The following CCDC85C variants were observed in gnomAD, a reference collection of about 807,000 sequenced individuals.
The protein encoded by CCDC85C is coiled-coil domain containing 85C.
CCDC85C carries 18 observed loss-of-function variants against 38.3 expected under a neutral mutation model. The observed-to-expected ratio is 0.47, with a 90% CI of 0.33 to 0.70. CCDC85C has a LOEUF of 0.70. Ranked by LOEUF, CCDC85C falls within the 30% of genes least tolerant of loss-of-function variation. The probability of loss-of-function intolerance (pLI) is 0.03; values close to 1 mark genes in which losing one functional copy is unlikely to be tolerated. For synonymous variants in CCDC85C, 264 were observed against 293.8 expected (o/e 0.90, Z 1.04); for missense variants, 566 against 621.2 (o/e 0.91, Z 0.94).
At chr14:99,599,144 T>C (rs1005921317) in intron 1 of CCDC85C, among the ~76,000 whole-genome samples, 1 of 152,142 alleles carries the variant, frequency 6.6e-6, no homozygotes, top group Non-Finnish European at 1.5e-5. Context: ...GCTCTGTCTT[T>C]TTCTAAAGGC....
At chr14:99,518,633 C>T (rs1897260981) in intron 3 of CCDC85C, among the ~76,000 whole-genome samples, 1 of 152,178 alleles carries the variant, frequency 6.6e-6, no homozygotes, top group Admixed American at 6.5e-5. Context: ...CCTGGGAGAC[C>T]TGGGCACCTA....
At position 99,501,764 on chromosome 14, in the gene CCDC85C, T is replaced by G. The variant is rs1219873309; in HGVS notation, c.*13482A>C. 3.9e-6 allele frequency: 1 copy of G among 254,952 alleles called. No individual in the cohort carries two copies. The highest frequency in any genetic ancestry group is 5.2e-5 in the Admixed American group (1 of 19,394). 15.8% of individuals were successfully genotyped at this position (254,952 alleles called of 1,614,324 possible). ...TAGTTTTAGAGCCTTAACACTCTTT[T>G]GAGAGGCCAGGGATCTAATGAGGGG... On this transcript the variant is annotated 3_prime_UTR_variant, in exon 6 of 6. Transcript: ENST00000380243.
At chr14:99,575,752 C>T (rs2139968572) in intron 1 of CCDC85C, among the ~76,000 whole-genome samples, 1 of 152,326 alleles carries the variant, frequency 6.6e-6, no homozygotes, top group Non-Finnish European at 1.5e-5. Flanking sequence ...CCACCAGGGC[C>T]ATCACCAGCT....
intron 1 of CCDC85C, among the ~76,000 whole-genome samples, chr14:99,549,244 GGCGGCTGTTCTAGAAAAGAT>G (rs1360264326): frequency 1.3e-5 from 2 of 152,188 alleles, no homozygotes; most frequent in African/African-American, 4.8e-5. Flanking sequence ...AGAAAGTCTG[GGCGGCTGTTCTAGAAAAGAT>G]GCTGGAAACT....
intron 1 of CCDC85C, among the ~76,000 whole-genome samples, chr14:99,579,572 A>C (rs1468121987): frequency 6.6e-6 from 1 of 152,182 alleles, no homozygotes; most frequent in African/African-American, 2.4e-5. Flanking sequence ...CTCTTCCTGG[A>C]GCCTTCTCCA....
In CCDC85C at chr14:99,572,921, C is replaced by A; in HGVS notation, c.793+30246G>T. 1 of 430,568 alleles carries A rather than the reference C, an allele frequency of 2.3e-6. No homozygotes were observed. Among genetic ancestry groups the A allele is most frequent in the Non-Finnish European group, 4.7e-6 (1 of 213,802 alleles). The allele number at this position is 430,568 out of a possible 1,614,324, so 26.7% of individuals were successfully genotyped here. ...GGTGGGAGGCACGGACCTGAGGCAG[C>A]GCCTTCTCTTAGCTCTGAGCCCTGC... On this transcript the variant is annotated intron_variant, in intron 1 of 5. Transcript: ENST00000380243. The surrounding 1 kb of genome is among the most constrained non-coding windows in gnomAD (Gnocchi z 4.4).
intron 1 of CCDC85C, among the ~76,000 whole-genome samples, chr14:99,600,507 G>A (rs565604018): frequency 3.3e-5 from 5 of 152,212 alleles, no homozygotes; most frequent in Non-Finnish European, 7.3e-5. Context: ...GGAGTCACCA[G>A]TGTCCCCTGA....
Position 99,563,495 on chromosome 14 carries a change from C to T in CCDC85C, c.794-27407G>A, listed in dbSNP as rs577192127. Among the ~76,000 whole-genome samples, 12 of 152,392 alleles carry T rather than the reference C, an allele frequency of 7.9e-5. No homozygotes were observed. The East Asian group carries it at 2.1e-3, about 27-fold the overall frequency. ...CAGGCACAGGCAGCTTCGAGCACAA[C>T]TGGGCCATCTGGGAATAACTCGGGC... On this transcript the variant is annotated intron_variant, in intron 1 of 5. Coordinates refer to ENST00000380243, the MANE Select transcript of CCDC85C (RefSeq NM_001144995.2).
At chr14:99,564,523 G>A (rs1412343820) in intron 1 of CCDC85C, among the ~76,000 whole-genome samples, 1 of 152,212 alleles carries the variant, frequency 6.6e-6, no homozygotes, top group African/African-American at 2.4e-5. Flanking sequence ...TATCTGTCCT[G>A]GGCGCCAGCA....
rs1897117592 is a variant in CCDC85C at position 99,511,002 on chromosome 14, G to C, written c.*4244C>G. On this transcript the variant is annotated 3_prime_UTR_variant, in exon 6 of 6. Coordinates refer to ENST00000380243, the MANE Select transcript of CCDC85C (RefSeq NM_001144995.2). ...AGCCTCATCAGTGCCCTTGCAGTCT[G>C]ACTGTGTACACTTGGTTCAGCTAAT... 3 of 383,970 alleles carry C rather than the reference G, an allele frequency of 7.8e-6. No individual in the cohort carries two copies. The highest frequency in any genetic ancestry group is 1.4e-5 in the Non-Finnish European group (3 of 217,924). 23.8% of individuals were successfully genotyped at this position (383,970 alleles called of 1,614,324 possible). A position where few individuals can be genotyped will look rare whatever the true frequency, so the allele number is the denominator to read the frequency against.
rs982595885 is a variant in CCDC85C, at chr14:99,572,369, G to A, written c.793+30798C>T. 6.6e-6 allele frequency among the ~76,000 whole-genome samples: 1 copy of A among 152,172 alleles called. No homozygotes were observed. The highest frequency in any genetic ancestry group is 1.5e-5 in the Non-Finnish European group (1 of 68,020). ...CATGTGGCCTTCCTCACGGGACACT[G>A]CGGGCGCTGCGGGCTAGTGTCTCAG... On this transcript the variant is annotated intron_variant, in intron 1 of 5. Transcript: ENST00000380243. The surrounding 1 kb of genome is among the most constrained non-coding windows in gnomAD (Gnocchi z 4.4).
rs932607484 is a variant in CCDC85C at position 99,514,999 on chromosome 14, C to T, written c.*247G>A. On this transcript the variant is annotated 3_prime_UTR_variant, in exon 6 of 6. Transcript: ENST00000380243. ...CAGAGGGGGAATGAGGCGTCCGGGC[C>T]GCTCTGCTGCAGGAACAGTCGCAGC... 7 of 434,564 alleles carry T rather than the reference C, an allele frequency of 1.6e-5. No individual in the cohort carries two copies. The highest frequency in any genetic ancestry group is 4.2e-5 in the East Asian group (1 of 23,752). 26.9% of individuals were successfully genotyped at this position (434,564 alleles called of 1,614,324 possible). A position where few individuals can be genotyped will look rare whatever the true frequency, so the allele number is the denominator to read the frequency against.
intron 1 of CCDC85C, among the ~76,000 whole-genome samples, chr14:99,539,398 A>G (rs1263030872): frequency 7.1e-6 from 1 of 141,562 alleles, no homozygotes; most frequent in Non-Finnish European, 1.5e-5. Flanking sequence ...TGAACCTGGG[A>G]GGCGGGGGTT....
intron 1 of CCDC85C, among the ~76,000 whole-genome samples, chr14:99,542,092 C>A (rs1001327735): frequency 6.6e-6 from 1 of 152,236 alleles, no homozygotes; most frequent in Non-Finnish European, 1.5e-5. Context: ...TGCCCAGCAC[C>A]TCCATGGGCC....
At chr14:99,599,808 G>A (rs1207509064) in intron 1 of CCDC85C, among the ~76,000 whole-genome samples, 1 of 152,216 alleles carries the variant, frequency 6.6e-6, no homozygotes, top group Non-Finnish European at 1.5e-5. Context: ...CCAGGAGGTT[G>A]AGGTTGCCGC....
chr14:99,515,959 C>A (rs916180036), intron 5 of CCDC85C, among the ~76,000 whole-genome samples: 1 of 152,116 alleles, frequency 6.6e-6, no homozygotes, highest in African/African-American at 2.4e-5. Flanking sequence ...CTGGGGAGGG[C>A]GGATCTGCAG....
At chr14:99,582,406 T>A (rs2054981930) in intron 1 of CCDC85C, among the ~76,000 whole-genome samples, 1 of 152,148 alleles carries the variant, frequency 6.6e-6, no homozygotes, top group South Asian at 2.1e-4. Flanking sequence ...GGTAGGAATA[T>A]CACGTGGCAA....
rs747329091 is a variant in CCDC85C, at chr14:99,501,337, T to G, written c.*13909A>C. On this transcript the variant is annotated 3_prime_UTR_variant, in exon 6 of 6. Transcript: ENST00000380243. ...ATTTTTCTATTGCTATTAATTTACC[T>G]TTTTGTCCCCATTTCTAGGTGATAA... 6.4e-7 allele frequency: 1 copy of G among 1,560,100 alleles called. No individual in the cohort carries two copies. Among genetic ancestry groups the G allele is most frequent in the Non-Finnish European group, 8.8e-7 (1 of 1,133,204 alleles).
In CCDC85C at chr14:99,507,273, A is replaced by AAT. The variant is rs1896999135; in HGVS notation, c.*7971_*7972dup. The AAT allele has an allele frequency of 9.5e-6, 7 of 736,246 alleles. No homozygotes were observed. The highest frequency in any genetic ancestry group is 7.1e-5 in the South Asian group (5 of 69,960). The allele number at this position is 736,246 out of a possible 1,614,324, so 45.6% of individuals were successfully genotyped here. A position where few individuals can be genotyped will look rare whatever the true frequency, so the allele number is the denominator to read the frequency against. On this transcript the variant is annotated 3_prime_UTR_variant, in exon 6 of 6. Coordinates refer to ENST00000380243, the MANE Select transcript of CCDC85C (RefSeq NM_001144995.2). Reference sequence around the variant, plus strand: ...ATTGACAATGTCAGCCACAGGCAGGAATCTTTGCAAAATTGTTCTTGGGCT... The same window carrying AAT: ...ATTGACAATGTCAGCCACAGGCAGGAATATCTTTGCAAAATTGTTCTTGGGCT...
Sources: allele counts gnomAD v4.1 joint callset (sites outside exome capture counted in the v4.1 genomes callset), GRCh38; gene constraint gnomAD v4.1.1; non-coding constraint Gnocchi (gnomAD v3.1); transcripts MANE v1.5; gene names NCBI Gene and HGNC (gene_info 2026-07-23, HGNC 2026-07-21).